CNTNAP4: variants seen among roughly 807,000 people sequenced by gnomAD.
CNTNAP4 encodes the protein contactin associated protein family member 4.
CNTNAP4 carries 98 observed loss-of-function variants against 148.4 expected under a neutral mutation model. The observed-to-expected ratio is 0.66, with a 90% CI of 0.56 to 0.78. The LOEUF (loss-of-function observed/expected upper bound fraction) is 0.78, where lower values mean the gene tolerates loss of function less well. Ranked by LOEUF, CNTNAP4 falls within the 30% of genes least tolerant of loss-of-function variation. CNTNAP4 has a pLI of 0.00. For synonymous variants in CNTNAP4, 730 were observed against 565.1 expected (o/e 1.29, Z -4.14); for missense variants, 1,935 against 1,565.6 (o/e 1.24, Z -3.98).
intron 3 of CNTNAP4, among the ~76,000 whole-genome samples, chr16:76,359,154 C>T (rs1338204682): frequency 6.6e-6 from 1 of 152,174 alleles, no homozygotes; most frequent in African/African-American, 2.4e-5. Context: ...CCCTTTGTTA[C>T]ATTTTACAAA....
chr16:76,467,237 C>T lies in CNTNAP4; in HGVS notation c.1484-115C>T, dbSNP rs140439355. The stretch of plus-strand genomic sequence containing the variant: ...TAATGACTGCAGTCATTATTCCCTC[C>T]TTTAATACAGAAAATAATCATATGC... On this transcript the variant is annotated intron_variant, in intron 9 of 23. Coordinates refer to ENST00000611870, the MANE Select transcript of CNTNAP4 (RefSeq NM_033401.5). 342 of 891,418 alleles carry T rather than the reference C, an allele frequency of 3.8e-4. 1 individual carries two copies. The African/African-American group carries it at 5.1e-3, about 13-fold the overall frequency. The allele number at this position is 891,418 out of a possible 1,614,324, so 55.2% of individuals were successfully genotyped here. A position where few individuals can be genotyped will look rare whatever the true frequency, so the allele number is the denominator to read the frequency against.
intron 8 of CNTNAP4, among the ~76,000 whole-genome samples, chr16:76,460,773 A>AAAAAAAAAAAATATATATATATATAT: frequency 1.7e-5 from 1 of 57,328 alleles, no homozygotes; most frequent in Non-Finnish European, 3.3e-5. Context: ...AAAAAAAAAA[A>AAAAAAAAAAAATATATATATATATAT]ATATATATAT....
At chr16:76,431,697 A>G (rs1399119966) in intron 4 of CNTNAP4, among the ~76,000 whole-genome samples, 2 of 152,162 alleles carry the variant, frequency 1.3e-5, no homozygotes, top group Non-Finnish European at 2.9e-5. Context: ...AGGGGGAGGT[A>G]AGCAGATTCA....
At chr16:76,335,470 T>A (rs1457580278) in intron 2 of CNTNAP4, among the ~76,000 whole-genome samples, 1 of 152,046 alleles carries the variant, frequency 6.6e-6, no homozygotes. Flanking sequence ...GCAGAAGGCA[T>A]CCCTTTTATC....
chr16:76,332,806 A>G (rs1464564562), intron 2 of CNTNAP4, among the ~76,000 whole-genome samples: 1 of 151,818 alleles, frequency 6.6e-6, no homozygotes, highest in Non-Finnish European at 1.5e-5. Flanking sequence ...TGAATTTTCC[A>G]CTTCAGTTCA....
At chr16:76,406,549 G>T (rs570643641) in intron 3 of CNTNAP4, among the ~76,000 whole-genome samples, 1 of 152,172 alleles carries the variant, frequency 6.6e-6, no homozygotes, top group South Asian at 2.1e-4. Flanking sequence ...TAGGCTTCTT[G>T]CAGCAAACAT....
At chr16:76,451,229 G>A (rs921216178) in intron 7 of CNTNAP4, among the ~76,000 whole-genome samples, 1 of 152,194 alleles carries the variant, frequency 6.6e-6, no homozygotes, top group African/African-American at 2.4e-5. Flanking sequence ...AAAATGTGTT[G>A]CTGGTGTTTT....
chr16:76,434,654 T>G (rs2079746322), intron 4 of CNTNAP4, among the ~76,000 whole-genome samples: 2 of 152,178 alleles, frequency 1.3e-5, no homozygotes, highest in South Asian at 4.1e-4. Context: ...CCTCCAGGGA[T>G]GTGATATTGT....
chr16:76,413,680 T>A (rs989949829), intron 3 of CNTNAP4, among the ~76,000 whole-genome samples: 3 of 151,340 alleles, frequency 2.0e-5, no homozygotes, highest in Admixed American at 6.6e-5. Flanking sequence ...ACACAAACAT[T>A]GGTTTGAATT....
intron 6 of CNTNAP4, among the ~76,000 whole-genome samples, 173 bp downstream of exon 6, chr16:76,449,124 C>A (rs1455193846): frequency 1.3e-5 from 2 of 152,108 alleles, no homozygotes; most frequent in Non-Finnish European, 2.9e-5. Flanking sequence ...AGTACTTGAA[C>A]CTTCATCTTT....
At chr16:76,418,955 A>T (rs1227550005) in intron 3 of CNTNAP4, among the ~76,000 whole-genome samples, 1 of 151,900 alleles carries the variant, frequency 6.6e-6, no homozygotes, top group African/African-American at 2.4e-5. Flanking sequence ...TTTGACTTAA[A>T]TTCTCTTCAG....
chr16:76,411,667 T>C (rs1228853095), intron 3 of CNTNAP4, among the ~76,000 whole-genome samples: 1 of 151,440 alleles, frequency 6.6e-6, no homozygotes, highest in Non-Finnish European at 1.5e-5. Flanking sequence ...TAATGAGGTA[T>C]TCTTAAAAAA....
chr16:76,282,311 G>A (rs1005841810), intron 1 of CNTNAP4, among the ~76,000 whole-genome samples: 2 of 151,820 alleles, frequency 1.3e-5, no homozygotes, highest in African/African-American at 4.8e-5. Context: ...TTAATCTCAA[G>A]TGGTCTTGTT....
intron 3 of CNTNAP4, among the ~76,000 whole-genome samples, chr16:76,419,295 T>C (rs1009228307): frequency 6.6e-6 from 1 of 151,966 alleles, no homozygotes; most frequent in East Asian, 1.9e-4. Context: ...TGCCCCCCAG[T>C]TGGGAGAGGT....
chr16:76,484,332 G>C (rs2081948390), intron 12 of CNTNAP4, among the ~76,000 whole-genome samples: 1 of 141,906 alleles, frequency 7.0e-6, no homozygotes, highest in African/African-American at 2.6e-5. Flanking sequence ...GATTAAAGGT[G>C]CTTCATTCAG....
chr16:76,324,124 C>T (rs1327482257), intron 2 of CNTNAP4, among the ~76,000 whole-genome samples: 9 of 152,084 alleles, frequency 5.9e-5, no homozygotes, highest in Non-Finnish European at 1.3e-4. Flanking sequence ...GCAGATTATC[C>T]TTCTAAGTTT....
intron 16 of CNTNAP4, 118 bp downstream of exon 16, chr16:76,521,428 C>T (rs2083449315): frequency 1.4e-6 from 1 of 729,222 alleles, no homozygotes. Context: ...CATTGCGCCC[C>T]TTTGAAAAAC....
At position 76,502,833 on chromosome 16, in the gene CNTNAP4, A is replaced by G. The variant is rs1467410319; in HGVS notation, c.2365+4139A>G. ...TTAACAGAAAAAAAAGTGAGAATGAAAAAAGTAGTATTTTCATTTTCTCAC... is the reference window on the plus strand; with the variant it reads ...TTAACAGAAAAAAAAGTGAGAATGAGAAAAGTAGTATTTTCATTTTCTCAC... On this transcript the variant is annotated intron_variant, in intron 15 of 23. Coordinates refer to ENST00000611870, the MANE Select transcript of CNTNAP4 (RefSeq NM_033401.5). Among the ~76,000 whole-genome samples, 4 of 152,160 alleles carry G rather than the reference A, an allele frequency of 2.6e-5. 1 individual carries two copies. Among genetic ancestry groups the G allele is most frequent in the South Asian group, 4.2e-4 (2 of 4,814 alleles).
intron 15 of CNTNAP4, among the ~76,000 whole-genome samples, chr16:76,511,225 A>G (rs561583153): frequency 6.6e-6 from 1 of 152,120 alleles, no homozygotes; most frequent in African/African-American, 2.4e-5. Flanking sequence ...TTGAAATTTT[A>G]TGTTTAATCA....
Sources: gnomAD v4.1 joint callset for allele counts (sites outside exome capture counted in the v4.1 genomes callset) on GRCh38, gnomAD v4.1.1 for gene constraint, MANE v1.5 for transcripts, NCBI Gene and HGNC (gene_info 2026-07-23, HGNC 2026-07-21) for gene names.